The following ATP6AP2 variants were observed in gnomAD, a reference collection of about 807,000 sequenced individuals.
ATP6AP2 encodes the protein renin receptor.
A neutral mutation model predicts 23.4 loss-of-function variants in ATP6AP2; 1 was observed. That is an observed-to-expected ratio of 0.04 (90% CI 0.02 to 0.20). The LOEUF (loss-of-function observed/expected upper bound fraction) is 0.20, where lower values mean the gene tolerates loss of function less well. Among genes scored for constraint, ATP6AP2 ranks in the 10% least tolerant of loss-of-function variants. ATP6AP2 has a pLI of 1.00. For missense variants in ATP6AP2, 174 were observed against 271.3 expected (o/e 0.64, Z 2.52); for synonymous variants, 90 against 97.1 (o/e 0.93, Z 0.43).
At chrX:40,595,276 T>C (rs1229488729) in intron 3 of ATP6AP2, among the ~76,000 whole-genome samples, 2 of 111,643 alleles carry the variant, frequency 1.8e-5, no homozygotes, top group Non-Finnish European at 3.8e-5. Context: ...GTAAATGAGA[T>C]AAAAGATTCA....
intron 5 of ATP6AP2, 51 bp from the exon 6 acceptor site, chrX:40,598,630 A>T: frequency 1.8e-6 from 2 of 1,111,491 alleles, no homozygotes; most frequent in Non-Finnish European, 2.5e-6. Flanking sequence ...GCAAATAAAG[A>T]TCTCTGGTGC....
At chrX:40,603,682 C>G (rs938965358) in intron 8 of ATP6AP2, among the ~76,000 whole-genome samples, 1 of 111,939 alleles carries the variant, frequency 8.9e-6, no homozygotes, top group Non-Finnish European at 1.9e-5. Flanking sequence ...ACTCATCTGT[C>G]TCTCTGCTTC....
chrX:40,595,297 C>T (rs1306405296), intron 3 of ATP6AP2, among the ~76,000 whole-genome samples: 1 of 111,386 alleles, frequency 9.0e-6, no homozygotes, highest in East Asian at 2.8e-4. Flanking sequence ...GGGGCAAACC[C>T]CACAAAACAT....
intron 1 of ATP6AP2, 135 bp downstream of exon 1, chrX:40,581,237 G>A: frequency 1.4e-6 from 1 of 699,299 alleles, no homozygotes; most frequent in Non-Finnish European, 1.9e-6. Context: ...CCTCGCCTCA[G>A]CCGCGTCCCC....
At chrX:40,586,440 T>C (rs1012581612) in intron 1 of ATP6AP2, among the ~76,000 whole-genome samples, 1 of 111,228 alleles carries the variant, frequency 9.0e-6, no homozygotes, top group African/African-American at 3.3e-5. Flanking sequence ...GATAGGGGCT[T>C]ATGCAGATAA....
chrX:40,597,613 A>C lies in ATP6AP2; in HGVS notation c.483A>C (p.Glu161Asp). The change falls in exon 5 of 9, where the codon GAA (glutamate) becomes GAC (aspartate). Residue 161 changes from glutamate to aspartate, a missense_variant. Physicochemically the swap from Glu to Asp is conservative, Grantham distance 45. Coordinates refer to ENST00000636580, the MANE Select transcript of ATP6AP2 (RefSeq NM_005765.3). Reference sequence around the variant, plus strand: ...AGCTCCGTAATCGCCTGTTTCAAGAAAACTCTGTTCTCAGTTCACTCCCCC... The same window carrying C: ...AGCTCCGTAATCGCCTGTTTCAAGACAACTCTGTTCTCAGTTCACTCCCCC... ...LRQLRNRLFQ[E>D]NSVLSSLPLN... The C allele has an allele frequency of 8.3e-7, 1 of 1,210,344 alleles. No individual in the cohort carries two copies. Among genetic ancestry groups the C allele is most frequent in the Non-Finnish European group, 1.1e-6 (1 of 894,006 alleles).
intron 3 of ATP6AP2, among the ~76,000 whole-genome samples, chrX:40,596,572 A>G (rs765675651): frequency 4.5e-5 from 5 of 111,421 alleles, no homozygotes; most frequent in Non-Finnish European, 9.4e-5. Context: ...ATGTGTAAAC[A>G]TTTGTTGAGC....
chrX:40,602,934 T>A (rs1173627181), intron 8 of ATP6AP2, among the ~76,000 whole-genome samples: 20 of 10,482 alleles, frequency 1.9e-3, no homozygotes, highest in South Asian at 5.4e-3. Context: ...TTTTTTTTTT[T>A]TTTTTTTGGA....
At position 40,591,010 on chromosome X, in the gene ATP6AP2, C is replaced by T. The variant is rs1926613258; in HGVS notation, c.169-224C>T. On this transcript the variant is annotated intron_variant, in intron 2 of 8. Transcript: ENST00000636580. ...AGGTGTCAGATGACTTACTATTGGA[C>T]TTTATTTCAAATCTGTAAAATTTTA... 7.7e-6 allele frequency: 3 copies of T among 390,570 alleles called. No individual in the cohort carries two copies. In the Admixed American group the frequency reaches 1.4e-4, roughly 18 times the overall value. 32.2% of individuals were successfully genotyped at this position (390,570 alleles called of 1,213,427 possible). A position where few individuals can be genotyped will look rare whatever the true frequency, so the allele number is the denominator to read the frequency against.
intron 1 of ATP6AP2, among the ~76,000 whole-genome samples, chrX:40,586,265 A>G (rs1926466944): frequency 1.8e-5 from 2 of 111,540 alleles, no homozygotes; most frequent in South Asian, 3.8e-4. Context: ...TTTGATGGCT[A>G]TTACCATATA....
chrX:40,601,849 T>G (rs1926914422), intron 8 of ATP6AP2, among the ~76,000 whole-genome samples: 1 of 112,484 alleles, frequency 8.9e-6, no homozygotes, highest in Non-Finnish European at 1.9e-5. Context: ...GATTACTGGT[T>G]TGAGATTGTT....
chrX:40,598,849 C>G (rs987199682), intron 6 of ATP6AP2, 115 bp downstream of exon 6: 4 of 746,689 alleles, frequency 5.4e-6, no homozygotes, highest in Non-Finnish European at 8.1e-6. Context: ...TTTATGATCC[C>G]ATGAAAATTG....
At chrX:40,601,034 A>G (rs778775615) in intron 8 of ATP6AP2, 153 bp downstream of exon 8, 4 of 546,738 alleles carry the variant, frequency 7.3e-6, no homozygotes, top group Non-Finnish European at 1.2e-5. Context: ...TCTTGTTCAC[A>G]TACATATGTG....
intron 1 of ATP6AP2, 139 bp downstream of exon 1, chrX:40,581,241 C>A: frequency 1.5e-6 from 1 of 685,346 alleles, no homozygotes. Context: ...GCCTCAGCCG[C>A]GTCCCCGTCA....
At chrX:40,588,765 T>C (rs970775772) in intron 1 of ATP6AP2, among the ~76,000 whole-genome samples, 30 of 111,755 alleles carry the variant, frequency 2.7e-4, no homozygotes, top group African/African-American at 9.4e-4. Context: ...AGAGAGGCTC[T>C]GATAGTTGTA....
rs1211495637 is a variant in ATP6AP2 at position 40,597,484 on chromosome X, C to A, written c.397-43C>A. 13 of 1,182,912 alleles carry A rather than the reference C, an allele frequency of 1.1e-5. No homozygotes were observed. In the African/African-American group the frequency reaches 2.1e-4, roughly 19 times the overall value. ...CATACCTCTGGGTATTGGAACTAAT[C>A]TGTAGAATTTGAGCAACTTAAAATT... On this transcript the variant is annotated intron_variant, in intron 4 of 8. Coordinates refer to ENST00000636580, the MANE Select transcript of ATP6AP2 (RefSeq NM_005765.3).
chrX:40,603,292 A>G (rs1011658485), intron 8 of ATP6AP2: 3 of 108,689 alleles, frequency 2.8e-5, no homozygotes, highest in Admixed American at 9.9e-5. Flanking sequence ...GGTGATAACT[A>G]TGAAACCACT....
At chrX:40,589,619 G>A (rs1241359918) in intron 2 of ATP6AP2, 2 of 114,775 alleles carry the variant, frequency 1.7e-5, no homozygotes, top group African/African-American at 3.3e-5. Flanking sequence ...TATGCATTAT[G>A]CCTGAGGTTA....
chrX:40,589,089 A>G lies in ATP6AP2; in HGVS notation c.141A>G (p.Ala47=). Residue 47 remains alanine, a synonymous_variant, in exon 2 of 9, where the codon GCA becomes GCG. Transcript: ENST00000636580. ...IPGERIPDVA[A]LSMGFSVKED... is the part of the protein sequence containing the mutation. The stretch of plus-strand genomic sequence containing the variant: ...GAGAGCGGATCCCAGACGTGGCTGC[A>G]TTGTCCATGGGCTTCTCTGTGAAAG... 8.3e-7 allele frequency: 1 copy of G among 1,210,226 alleles called. No individual in the cohort carries two copies. The highest frequency in any genetic ancestry group is 1.1e-6 in the Non-Finnish European group (1 of 895,069).
Sources: allele counts gnomAD v4.1 joint callset (sites outside exome capture counted in the v4.1 genomes callset), GRCh38; gene constraint gnomAD v4.1.1; transcripts MANE v1.5; gene names NCBI Gene and HGNC (gene_info 2026-07-23, HGNC 2026-07-21).